NKAIN2: variants seen among roughly 807,000 people sequenced by gnomAD.
NKAIN2 encodes the protein sodium/potassium transporting ATPase interacting 2.
A neutral mutation model predicts 32.6 loss-of-function variants in NKAIN2; 14 were observed. The observed-to-expected ratio is 0.43, with a 90% CI of 0.28 to 0.67. The LOEUF is 0.67. Ranked by LOEUF, NKAIN2 falls within the 30% of genes least tolerant of loss-of-function variation. The pLI, the probability that NKAIN2 is intolerant of heterozygous loss-of-function variation, is 0.17. For synonymous variants in NKAIN2, 80 were observed against 87.2 expected (o/e 0.92, Z 0.46); for missense variants, 198 against 258.3 (o/e 0.77, Z 1.60).
At chr6:124,759,449 T>A (rs1778121228) in intron 4 of NKAIN2, among the ~76,000 whole-genome samples, 1 of 152,048 alleles carries the variant, frequency 6.6e-6, no homozygotes, top group Admixed American at 6.6e-5. Context: ...TAACATTTAA[T>A]ATTTCAAATG....
chr6:124,636,865 G>T (rs183571570), intron 3 of NKAIN2, among the ~76,000 whole-genome samples: 26 of 152,068 alleles, frequency 1.7e-4, no homozygotes, highest in Admixed American at 6.5e-4. Flanking sequence ...TGAAAAGGAA[G>T]GAATTCTTTC....
chr6:124,379,319 AAAG>A (rs1186801964), intron 3 of NKAIN2, among the ~76,000 whole-genome samples: 11 of 138,190 alleles, frequency 8.0e-5, no homozygotes, highest in Admixed American at 7.2e-4. Flanking sequence ...GAGAGGAGAG[AAAG>A]AAGGGAGGAG....
intron 1 of NKAIN2, among the ~76,000 whole-genome samples, chr6:123,806,119 A>G (rs933209706): frequency 3.3e-5 from 5 of 152,274 alleles, no homozygotes; most frequent in East Asian, 1.9e-4. Context: ...TCTTGAGTAC[A>G]TGCATGCATC....
intron 4 of NKAIN2, among the ~76,000 whole-genome samples, chr6:124,697,135 A>T (rs763221838): frequency 6.6e-6 from 1 of 152,178 alleles, no homozygotes; most frequent in Non-Finnish European, 1.5e-5. Flanking sequence ...CAGTATAATC[A>T]TTAAGGGTCT....
chr6:123,846,925 T>A (rs1452175702), intron 1 of NKAIN2, among the ~76,000 whole-genome samples: 2 of 152,154 alleles, frequency 1.3e-5, no homozygotes, highest in East Asian at 3.9e-4. Context: ...GGCACTGTAC[T>A]GGAGATGGAG....
chr6:124,113,893 T>C (rs1423237805), intron 1 of NKAIN2, among the ~76,000 whole-genome samples: 2 of 152,212 alleles, frequency 1.3e-5, no homozygotes, highest in Non-Finnish European at 2.9e-5. Context: ...TGAATCGATA[T>C]GCTTGTATGA....
intron 1 of NKAIN2, among the ~76,000 whole-genome samples, chr6:124,213,966 T>C (rs1460302920): frequency 6.6e-6 from 1 of 152,174 alleles, no homozygotes; most frequent in Admixed American, 6.5e-5. Context: ...AGCTTTCAAA[T>C]AGCCAAAGAA....
chr6:124,124,414 A>G (rs1023667239), intron 1 of NKAIN2, among the ~76,000 whole-genome samples: 2 of 152,200 alleles, frequency 1.3e-5, no homozygotes, highest in African/African-American at 4.8e-5. Context: ...AATCATATAA[A>G]GTATCTAGAA....
At chr6:124,768,395 C>CAGTA (rs1778603282) in intron 4 of NKAIN2, among the ~76,000 whole-genome samples, 1 of 152,174 alleles carries the variant, frequency 6.6e-6, no homozygotes, top group African/African-American at 2.4e-5. Context: ...ACAGCCATCT[C>CAGTA]AGCTAAGTTC....
At chr6:124,077,560 A>T (rs1322265326) in intron 1 of NKAIN2, among the ~76,000 whole-genome samples, 1 of 152,172 alleles carries the variant, frequency 6.6e-6, no homozygotes, top group African/African-American at 2.4e-5. Flanking sequence ...GCAGCAGCCA[A>T]GTAAAGTACA....
chr6:124,724,658 G>T (rs1776187203), intron 4 of NKAIN2, among the ~76,000 whole-genome samples: 1 of 152,196 alleles, frequency 6.6e-6, no homozygotes, highest in Admixed American at 6.5e-5. Context: ...TTGTTTCAAA[G>T]ATAGGGAATA....
chr6:124,767,026 C>CTGGGA (rs1475478826), intron 4 of NKAIN2, among the ~76,000 whole-genome samples: 1 of 152,092 alleles, frequency 6.6e-6, no homozygotes, highest in Non-Finnish European at 1.5e-5. Flanking sequence ...TCCCAAGTAG[C>CTGGGA]TGGGATTATA....
intron 1 of NKAIN2, among the ~76,000 whole-genome samples, chr6:124,118,749 A>G (rs900255890): frequency 3.9e-5 from 6 of 152,168 alleles, no homozygotes; most frequent in African/African-American, 1.4e-4. Context: ...TTACTGGGAT[A>G]AAAACTTAGA....
At chr6:124,153,507 T>C (rs536990685) in intron 1 of NKAIN2, among the ~76,000 whole-genome samples, 4 of 151,844 alleles carry the variant, frequency 2.6e-5, no homozygotes, top group Non-Finnish European at 5.9e-5. Flanking sequence ...AAATATCATA[T>C]ACTTCTACTT....
intron 3 of NKAIN2, among the ~76,000 whole-genome samples, chr6:124,539,192 C>T (rs1779821691): frequency 1.4e-5 from 1 of 68,974 alleles, no homozygotes; most frequent in Non-Finnish European, 4.2e-5. Context: ...ATTTAATGGT[C>T]ATCTAGAGTT....
intron 2 of NKAIN2, among the ~76,000 whole-genome samples, chr6:124,350,852 G>A (rs181388108): frequency 1.4e-3 from 216 of 152,276 alleles, no homozygotes; most frequent in African/African-American, 5.0e-3. Context: ...AGCTGCGCAT[G>A]GTGGCACATG....
At chr6:124,194,417 T>C (rs1327273786) in intron 1 of NKAIN2, among the ~76,000 whole-genome samples, 1 of 152,228 alleles carries the variant, frequency 6.6e-6, no homozygotes, top group Non-Finnish European at 1.5e-5. Context: ...ATTGACGGCA[T>C]ACATTTGTGT....
At chr6:124,280,595 T>C (rs1305580204) in intron 1 of NKAIN2, among the ~76,000 whole-genome samples, 1 of 152,088 alleles carries the variant, frequency 6.6e-6, no homozygotes, top group Admixed American at 6.6e-5. Context: ...AATGTGATAA[T>C]ACATGCCTGG....
intron 3 of NKAIN2, among the ~76,000 whole-genome samples, chr6:124,493,779 A>G (rs559744082): frequency 8.8e-4 from 127 of 144,244 alleles, no homozygotes; most frequent in Non-Finnish European, 1.6e-3. Flanking sequence ...TCCTGGACAA[A>G]CCTTACCACT....
Sources: gnomAD v4.1 joint callset for allele counts (sites outside exome capture counted in the v4.1 genomes callset) on GRCh38, gnomAD v4.1.1 for gene constraint, MANE v1.5 for transcripts, NCBI Gene and HGNC (gene_info 2026-07-23, HGNC 2026-07-21) for gene names.